Variants in KCNIP4 observed in about 807,000 individuals in gnomAD.
The protein encoded by KCNIP4 is Kv channel-interacting protein 4.
KCNIP4 carries 12 observed loss-of-function variants against 34.0 expected under a neutral mutation model. That is an observed-to-expected ratio of 0.35 (90% confidence interval 0.23 to 0.57). The LOEUF is 0.57. Ranked by LOEUF, KCNIP4 falls within the 20% of genes least tolerant of loss-of-function variation. The pLI, the probability that KCNIP4 is intolerant of heterozygous loss-of-function variation, is 0.83. For synonymous variants in KCNIP4, 124 were observed against 102.2 expected (o/e 1.21, Z -1.29); for missense variants, 238 against 311.7 (o/e 0.76, Z 1.78).
At chr4:21,021,814 AAGT>A (rs149289193) in intron 1 of KCNIP4, among the ~76,000 whole-genome samples, 3,547 of 152,112 alleles carry the variant, frequency 0.023, 153 homozygotes, top group African/African-American at 0.08. Flanking sequence ...TTGAAAAAAT[AAGT>A]AGAAGGTGTA....
At chr4:20,789,333 A>G (rs1363566869) in intron 3 of KCNIP4, among the ~76,000 whole-genome samples, 1 of 152,182 alleles carries the variant, frequency 6.6e-6, no homozygotes, top group African/African-American at 2.4e-5. Flanking sequence ...TTTGTCTCAT[A>G]TAACAAATAA....
chr4:21,466,429 G>A (rs2109790862), intron 1 of KCNIP4, among the ~76,000 whole-genome samples: 1 of 152,242 alleles, frequency 6.6e-6, no homozygotes, highest in Admixed American at 6.5e-5. Flanking sequence ...AAAATGAGCT[G>A]TTATAATTAA....
At chr4:21,829,775 A>G (rs1243848885) in intron 1 of KCNIP4, among the ~76,000 whole-genome samples, 1 of 152,102 alleles carries the variant, frequency 6.6e-6, no homozygotes, top group Non-Finnish European at 1.5e-5. Flanking sequence ...CAAAAGTTCT[A>G]TAAAACAACC....
intron 1 of KCNIP4, among the ~76,000 whole-genome samples, chr4:21,598,130 A>G (rs559652995): frequency 1.1e-3 from 172 of 152,222 alleles, no homozygotes; most frequent in Admixed American, 2.6e-3. Context: ...GAGAACACGG[A>G]AGAATGTAAT....
intron 3 of KCNIP4, among the ~76,000 whole-genome samples, chr4:20,825,943 A>G (rs555569169): frequency 6.6e-6 from 1 of 152,262 alleles, no homozygotes; most frequent in Non-Finnish European, 1.5e-5. Flanking sequence ...ATGTTGTGAA[A>G]TGTCCAATTA....
chr4:21,061,145 A>T (rs1743883717), intron 1 of KCNIP4, among the ~76,000 whole-genome samples: 1 of 152,098 alleles, frequency 6.6e-6, no homozygotes, highest in Admixed American at 6.6e-5. Flanking sequence ...AAACTGCTTA[A>T]CCCCCATTCT....
intron 1 of KCNIP4, among the ~76,000 whole-genome samples, chr4:21,598,616 T>G (rs1334303668): frequency 6.6e-6 from 1 of 152,086 alleles, no homozygotes; most frequent in Non-Finnish European, 1.5e-5. Flanking sequence ...TCACAGAGCC[T>G]CTCTAATTCT....
intron 1 of KCNIP4, among the ~76,000 whole-genome samples, chr4:20,898,073 A>G (rs1726753636): frequency 6.6e-6 from 1 of 152,138 alleles, no homozygotes; most frequent in Non-Finnish European, 1.5e-5. Flanking sequence ...AGGAAGGCAT[A>G]GGAGGGTAAG....
intron 1 of KCNIP4, among the ~76,000 whole-genome samples, chr4:21,644,434 T>A (rs1353952169): frequency 6.6e-6 from 1 of 152,226 alleles, no homozygotes; most frequent in Non-Finnish European, 1.5e-5. Flanking sequence ...TTGAGGGGCA[T>A]AGATCCAAAT....
intron 1 of KCNIP4, among the ~76,000 whole-genome samples, chr4:21,723,727 A>G (rs1714993812): frequency 6.6e-6 from 1 of 152,108 alleles, no homozygotes; most frequent in South Asian, 2.1e-4. Flanking sequence ...GGCTCTTCCT[A>G]GCCTTTAGAT....
intron 1 of KCNIP4, among the ~76,000 whole-genome samples, chr4:21,782,611 T>C (rs1719639522): frequency 6.6e-6 from 1 of 152,132 alleles, no homozygotes; most frequent in African/African-American, 2.4e-5. Flanking sequence ...GGCAAAAGGA[T>C]CATTTGAGCC....
intron 1 of KCNIP4, among the ~76,000 whole-genome samples, chr4:21,862,746 G>A (rs1725148995): frequency 6.6e-6 from 1 of 152,166 alleles, no homozygotes; most frequent in South Asian, 2.1e-4. Context: ...GGCTGAGGTG[G>A]GCAGATCACG....
At chr4:21,257,115 C>T (rs1478199365) in intron 1 of KCNIP4, among the ~76,000 whole-genome samples, 2 of 152,092 alleles carry the variant, frequency 1.3e-5, no homozygotes, top group African/African-American at 4.8e-5. Context: ...CTGAGATAAA[C>T]TCTTAAATTT....
intron 1 of KCNIP4, among the ~76,000 whole-genome samples, chr4:21,300,065 C>A (rs1412328451): frequency 1.3e-5 from 2 of 152,098 alleles, no homozygotes; most frequent in East Asian, 1.9e-4. Flanking sequence ...TGTGATAATG[C>A]ATTTTTGTGA....
At chr4:21,858,905 A>G (rs1010091165) in intron 1 of KCNIP4, among the ~76,000 whole-genome samples, 4 of 152,228 alleles carry the variant, frequency 2.6e-5, no homozygotes, top group African/African-American at 9.6e-5. Flanking sequence ...AATTGTTTAT[A>G]GTTCTTAGGC....
At chr4:21,318,249 A>T (rs1713993266) in intron 1 of KCNIP4, among the ~76,000 whole-genome samples, 1 of 152,234 alleles carries the variant, frequency 6.6e-6, no homozygotes, top group African/African-American at 2.4e-5. Flanking sequence ...AAGGTTTGCT[A>T]GGGAAAAAGA....
At chr4:20,755,155 A>G (rs1157476009) in intron 4 of KCNIP4, among the ~76,000 whole-genome samples, 1 of 152,112 alleles carries the variant, frequency 6.6e-6, no homozygotes, top group Non-Finnish European at 1.5e-5. Context: ...GGGGTGGGAG[A>G]GTTGTCATCC....
intron 1 of KCNIP4, among the ~76,000 whole-genome samples, chr4:21,240,264 A>G (rs1302958936): frequency 6.7e-6 from 1 of 150,350 alleles, no homozygotes; most frequent in Admixed American, 6.6e-5. Context: ...TAGGAGATAT[A>G]CCTAATGCTA....
chr4:21,904,736 T>TAGGGGG (rs1661812578), intron 1 of KCNIP4, among the ~76,000 whole-genome samples: 1 of 152,148 alleles, frequency 6.6e-6, no homozygotes, highest in Non-Finnish European at 1.5e-5. Context: ...GAAATCATTT[T>TAGGGGG]TTGTGGTAGG....
Sources: allele counts gnomAD v4.1 joint callset (sites outside exome capture counted in the v4.1 genomes callset), GRCh38; gene constraint gnomAD v4.1.1; transcripts MANE v1.5; gene names NCBI Gene and HGNC (gene_info 2026-07-23, HGNC 2026-07-21).